Variants in PDGFC observed in about 807,000 individuals in gnomAD.
PDGFC encodes platelet-derived growth factor C.
PDGFC carries 12 observed loss-of-function variants against 35.5 expected under a neutral mutation model. That is an observed-to-expected ratio of 0.34 (90% confidence interval 0.22 to 0.55). PDGFC has a LOEUF of 0.55. PDGFC is among the 20% of genes least tolerant of loss of function. PDGFC has a pLI of 0.91. For missense variants in PDGFC, 322 were observed against 412.4 expected, an observed-to-expected ratio of 0.78 and a Z score of 1.90; for synonymous variants, 159 against 148.8, an observed-to-expected ratio of 1.07 and a Z score of -0.50.
intron 3 of PDGFC, among the ~76,000 whole-genome samples, chr4:156,808,176 G>T (rs545834989): frequency 6.6e-6 from 1 of 152,044 alleles, no homozygotes; most frequent in South Asian, 2.1e-4. Context: ...TAGGAAGGTA[G>T]TATAGCTCCC....
chr4:156,937,729 T>C (rs1731717926), intron 1 of PDGFC, among the ~76,000 whole-genome samples: 1 of 152,176 alleles, frequency 6.6e-6, no homozygotes, highest in African/African-American at 2.4e-5. Flanking sequence ...CATATTCACC[T>C]ATCTGAACAT....
At chr4:156,906,404 T>C (rs1730916778) in intron 1 of PDGFC, among the ~76,000 whole-genome samples, 1 of 152,168 alleles carries the variant, frequency 6.6e-6, no homozygotes, top group Admixed American at 6.5e-5. Flanking sequence ...TATTCTTTTA[T>C]GTAGTGTAAA....
intron 3 of PDGFC, among the ~76,000 whole-genome samples, chr4:156,787,575 A>G (rs1481556668): frequency 2.6e-5 from 4 of 152,182 alleles, no homozygotes. Context: ...GGAGAAGCAC[A>G]TATTCCTTTA....
rs145572211 is a variant in PDGFC, at chr4:156,898,166, C to T, written c.119-47750G>A. 2.9e-3 allele frequency among the ~76,000 whole-genome samples: 446 copies of T among 152,224 alleles called. 1 individual carries two copies. The highest frequency in any genetic ancestry group is 5.5e-3 in the Non-Finnish European group (373 of 68,022). On this transcript the variant is annotated intron_variant, in intron 1 of 5. Coordinates refer to ENST00000502773, the MANE Select transcript of PDGFC (RefSeq NM_016205.3). ...CTGAATAAAAGAAACCCAGAGAGCT[C>T]ACTTGCCTCTTCCACTATGTGAGGA...
chr4:156,760,877 C>A lies in PDGFC; in HGVS notation c.*2213G>T, dbSNP rs1209179000. ...AGGCTATTTACTAAGACTTAGTAGT[C>A]TTTACTATACTAATGAAAGTTGTAA... On this transcript the variant is annotated 3_prime_UTR_variant, in exon 6 of 6. Transcript: ENST00000502773. 1 of 152,020 alleles carries A rather than the reference C, an allele frequency of 6.6e-6. No individual in the cohort carries two copies. The highest frequency in any genetic ancestry group is 1.9e-4 in the East Asian group (1 of 5,200). The allele number at this position is 152,020 out of a possible 1,614,324, so 9.4% of individuals were successfully genotyped here. A position where few individuals can be genotyped will look rare whatever the true frequency, so the allele number is the denominator to read the frequency against.
At chr4:156,796,043 A>T (rs1269924826) in intron 3 of PDGFC, among the ~76,000 whole-genome samples, 4 of 152,126 alleles carry the variant, frequency 2.6e-5, no homozygotes, top group African/African-American at 9.7e-5. Context: ...TTGTGGTATT[A>T]TTTTTGACTT....
Position 156,971,056 on chromosome 4 carries a change from T to C in PDGFC, c.-153A>G, listed in dbSNP as rs1732581334. On this transcript the variant is annotated 5_prime_UTR_variant, in exon 1 of 6. Transcript: ENST00000502773. ...GAATCGCAGGGTAGTTTCCACATAA[T>C]CCCATCCAAAACTTTTTCCTAGAGC... The C allele has an allele frequency of 3.3e-6, 2 of 597,552 alleles. No individual in the cohort carries two copies. Among genetic ancestry groups the C allele is most frequent in the African/African-American group, 3.7e-5 (2 of 53,812 alleles). The allele number at this position is 597,552 out of a possible 1,614,324, so 37.0% of individuals were successfully genotyped here.
intron 3 of PDGFC, among the ~76,000 whole-genome samples, chr4:156,785,503 T>G (rs1258464259): frequency 3.3e-5 from 5 of 152,162 alleles, no homozygotes; most frequent in Admixed American, 6.5e-5. Context: ...TGTGAGCCAC[T>G]GTGCCCGGCC....
At chr4:156,949,456 T>G (rs1315010472) in intron 1 of PDGFC, among the ~76,000 whole-genome samples, 1 of 150,062 alleles carries the variant, frequency 6.7e-6, no homozygotes, top group East Asian at 2.0e-4. Flanking sequence ...TCTCGCTCTT[T>G]CTCTCTCTCT....
At chr4:156,859,352 G>C (rs17035339) in intron 1 of PDGFC, among the ~76,000 whole-genome samples, 4,276 of 152,072 alleles carry the variant, frequency 0.028, 223 homozygotes, top group African/African-American at 0.098. Flanking sequence ...TTGAGGGCAA[G>C]AAAAATACTA....
At chr4:156,772,273 AAACATTTTTGTAG>A (rs1730711400) in intron 4 of PDGFC, among the ~76,000 whole-genome samples, 1 of 152,146 alleles carries the variant, frequency 6.6e-6, no homozygotes, top group Non-Finnish European at 1.5e-5. Context: ...TACTGTAGAC[AAACATTTTTGTAG>A]AGGATCCCCT....
intron 1 of PDGFC, among the ~76,000 whole-genome samples, chr4:156,927,906 C>T (rs1731452560): frequency 6.6e-6 from 1 of 152,118 alleles, no homozygotes; most frequent in Non-Finnish European, 1.5e-5. Context: ...TAAAGACATA[C>T]TCAAGACTGG....
At chr4:156,806,170 T>C (rs920643230) in intron 3 of PDGFC, among the ~76,000 whole-genome samples, 2 of 152,036 alleles carry the variant, frequency 1.3e-5, no homozygotes, top group African/African-American at 4.8e-5. Context: ...ATAGAAGTGA[T>C]AGAACAAATC....
intron 3 of PDGFC, among the ~76,000 whole-genome samples, chr4:156,798,924 C>G (rs1731521975): frequency 6.6e-6 from 1 of 152,104 alleles, no homozygotes; most frequent in South Asian, 2.1e-4. Context: ...ATTTAAAAAC[C>G]CAATTTCAGA....
At chr4:156,937,305 C>T (rs532516295) in intron 1 of PDGFC, among the ~76,000 whole-genome samples, 10 of 152,234 alleles carry the variant, frequency 6.6e-5, no homozygotes, top group African/African-American at 2.4e-4. Context: ...TGGAAAAAAT[C>T]TTGTTATCTT....
chr4:156,872,918 C>T (rs1307189314), intron 1 of PDGFC, among the ~76,000 whole-genome samples: 1 of 151,994 alleles, frequency 6.6e-6, no homozygotes, highest in Admixed American at 6.6e-5. Context: ...TCACTTGAGC[C>T]CATGAGTTCA....
chr4:156,878,653 T>C (rs760654877), intron 1 of PDGFC, among the ~76,000 whole-genome samples: 13 of 152,166 alleles, frequency 8.5e-5, no homozygotes, highest in Non-Finnish European at 1.9e-4. Flanking sequence ...AAATGCAATA[T>C]ACTCCAATGA....
chr4:156,924,978 C>A (rs1359087355), intron 1 of PDGFC, among the ~76,000 whole-genome samples: 2 of 140,220 alleles, frequency 1.4e-5, no homozygotes, highest in African/African-American at 5.5e-5. Flanking sequence ...AGAGTCAGGG[C>A]AGCACATAGG....
chr4:156,802,523 T>C (rs1468243559), intron 3 of PDGFC, among the ~76,000 whole-genome samples: 1 of 151,586 alleles, frequency 6.6e-6, no homozygotes, highest in East Asian at 1.9e-4. Flanking sequence ...GTTGAGGGTA[T>C]GGAGAAGGTA....
Sources: allele counts gnomAD v4.1 joint callset (sites outside exome capture counted in the v4.1 genomes callset), GRCh38; gene constraint gnomAD v4.1.1; transcripts MANE v1.5; gene names NCBI Gene and HGNC (gene_info 2026-07-23, HGNC 2026-07-21).